FSTL5: variants seen among roughly 807,000 people sequenced by gnomAD.
The protein encoded by FSTL5 is follistatin-related protein 5.
Under a neutral mutation model 89.1 loss-of-function variants are expected in FSTL5, and 62 were observed. The observed-to-expected ratio is 0.70, with a 90% CI of 0.57 to 0.86. The LOEUF (loss-of-function observed/expected upper bound fraction) is 0.86, where lower values mean the gene tolerates loss of function less well. Among genes scored for constraint, FSTL5 ranks in the 40% least tolerant of loss-of-function variants. FSTL5 has a pLI of 0.00. For synonymous variants in FSTL5, 383 were observed against 346.2 expected, an observed-to-expected ratio of 1.11 and a Z score of -1.18; for missense variants, 1,057 against 1,001.6, an observed-to-expected ratio of 1.06 and a Z score of -0.75.
chr4:161,449,876 T>G (rs1395180121), intron 15 of FSTL5, among the ~76,000 whole-genome samples: 1 of 152,226 alleles, frequency 6.6e-6, no homozygotes, highest in Non-Finnish European at 1.5e-5. Flanking sequence ...TGAAGATATC[T>G]TGCTGTTATT....
At position 161,594,040 on chromosome 4, in the gene FSTL5, A is replaced by G. The variant is rs72687575; in HGVS notation, c.895-6465T>C. Among the ~76,000 whole-genome samples, 148 of 152,278 alleles carry G rather than the reference A, an allele frequency of 9.7e-4. 1 individual carries two copies. Among genetic ancestry groups the G allele is most frequent in the Non-Finnish European group, 1.8e-3 (120 of 68,016 alleles). ...GAAAGCCAAACTTTTGTAGAAATTA[A>G]TTGAGAAAGATTAGAGTTAAGAGTA... On this transcript the variant is annotated intron_variant, in intron 7 of 15. Transcript: ENST00000306100.
At position 162,050,006 on chromosome 4, in the gene FSTL5, TGAAA is replaced by T. The variant is rs1056590410; in HGVS notation, c.127-16352_127-16349del. ...AGATTAAATTAAGGCAAATAATTCT[TGAAA>T]GAAAGAACATATATCAAAAAAGTTA... On this transcript the variant is annotated intron_variant, in intron 2 of 15. Coordinates refer to ENST00000306100, the MANE Select transcript of FSTL5 (RefSeq NM_020116.5). Among the ~76,000 whole-genome samples the T allele has an allele frequency of 1.3e-4, 20 of 151,936 alleles. No homozygotes were observed. In the East Asian group the frequency reaches 1.3e-3, roughly 10 times the overall value.
intron 7 of FSTL5, among the ~76,000 whole-genome samples, chr4:161,636,373 A>G (rs996633218): frequency 6.6e-6 from 1 of 151,860 alleles, no homozygotes; most frequent in Non-Finnish European, 1.5e-5. Context: ...GTCTTTCTAT[A>G]TTAAACATTA....
chr4:161,645,491 A>C (rs1214826816), intron 7 of FSTL5, among the ~76,000 whole-genome samples: 1 of 152,154 alleles, frequency 6.6e-6, no homozygotes, highest in African/African-American at 2.4e-5. Flanking sequence ...TACTGATTTT[A>C]AGACTTGTTT....
chr4:161,573,677 G>C (rs1733106869), intron 8 of FSTL5, among the ~76,000 whole-genome samples: 1 of 131,674 alleles, frequency 7.6e-6, no homozygotes, highest in South Asian at 2.8e-4. Flanking sequence ...AGGTTGTGGT[G>C]AGCCGAGATT....
intron 6 of FSTL5, among the ~76,000 whole-genome samples, chr4:161,679,677 C>A (rs17041344): frequency 0.01 from 1,565 of 151,824 alleles, 29 homozygotes; most frequent in African/African-American, 0.036. Context: ...TAGAAAATAA[C>A]CTATGTGAAT....
intron 15 of FSTL5, among the ~76,000 whole-genome samples, chr4:161,396,707 TA>T (rs1180672549): frequency 7.2e-6 from 1 of 139,138 alleles, no homozygotes; most frequent in East Asian, 2.2e-4. Flanking sequence ...TAAGCCATAT[TA>T]TCATTTACAT....
chr4:162,077,042 T>C (rs1451714752), intron 2 of FSTL5, among the ~76,000 whole-genome samples: 1 of 151,858 alleles, frequency 6.6e-6, no homozygotes, highest in Non-Finnish European at 1.5e-5. Context: ...TGTCTTTTAA[T>C]GCATTTTTTG....
chr4:162,052,303 CA>C (rs201448073), intron 2 of FSTL5, among the ~76,000 whole-genome samples: 6 of 149,034 alleles, frequency 4.0e-5, no homozygotes, highest in East Asian at 2.0e-4. Context: ...TCAATCATAA[CA>C]AAAAAAAAGC....
At chr4:161,773,479 A>C (rs1195196168) in intron 5 of FSTL5, among the ~76,000 whole-genome samples, 1 of 152,234 alleles carries the variant, frequency 6.6e-6, no homozygotes, top group East Asian at 1.9e-4. Context: ...ATCTGCAAGG[A>C]ACTCAAACAA....
At chr4:161,913,128 G>A (rs1434566261) in intron 4 of FSTL5, among the ~76,000 whole-genome samples, 1 of 152,148 alleles carries the variant, frequency 6.6e-6, no homozygotes, top group Non-Finnish European at 1.5e-5. Context: ...AAAAATTTCA[G>A]CCTGACAATG....
At chr4:161,393,352 T>C (rs1730885658) in intron 15 of FSTL5, among the ~76,000 whole-genome samples, 1 of 151,942 alleles carries the variant, frequency 6.6e-6, no homozygotes, top group South Asian at 2.1e-4. Context: ...ATCTACTATG[T>C]GTGTACACTG....
rs566341462 is a variant in FSTL5, at chr4:161,780,508, T to C, written c.410-4434A>G. Reference sequence around the variant, plus strand: ...CCTGTTCTAGACACAAAGAATATACTAGTGAAAATGAAAAAATCCTTATTT... The same window carrying C: ...CCTGTTCTAGACACAAAGAATATACCAGTGAAAATGAAAAAATCCTTATTT... On this transcript the variant is annotated intron_variant, in intron 4 of 15. Coordinates refer to ENST00000306100, the MANE Select transcript of FSTL5 (RefSeq NM_020116.5). Among the ~76,000 whole-genome samples the C allele has an allele frequency of 1.1e-4, 17 of 152,284 alleles. No homozygotes were observed. In the South Asian group the frequency reaches 3.5e-3, roughly 32 times the overall value.
chr4:161,989,679 CA>C (rs772478100), intron 3 of FSTL5, among the ~76,000 whole-genome samples: 2 of 152,038 alleles, frequency 1.3e-5, no homozygotes, highest in Non-Finnish European at 2.9e-5. Flanking sequence ...TGATACTCAG[CA>C]AAAGTATAGG....
intron 15 of FSTL5, among the ~76,000 whole-genome samples, chr4:161,428,660 C>G (rs576433139): frequency 1.1e-4 from 16 of 152,012 alleles, no homozygotes; most frequent in Non-Finnish European, 1.8e-4. Context: ...AGAACGCAGT[C>G]TGGGCAAGAC....
At chr4:161,607,399 A>C (rs968735107) in intron 7 of FSTL5, among the ~76,000 whole-genome samples, 1 of 152,160 alleles carries the variant, frequency 6.6e-6, no homozygotes, top group African/African-American at 2.4e-5. Context: ...GCTAATTGCA[A>C]CACATGACAG....
chr4:161,966,309 A>T (rs1735325780), intron 3 of FSTL5, among the ~76,000 whole-genome samples: 1 of 152,108 alleles, frequency 6.6e-6, no homozygotes, highest in Non-Finnish European at 1.5e-5. Context: ...CAGTTTCACT[A>T]AATTCTTACT....
chr4:161,472,947 T>C (rs1043722337), intron 13 of FSTL5, among the ~76,000 whole-genome samples: 1 of 152,098 alleles, frequency 6.6e-6, no homozygotes, highest in Non-Finnish European at 1.5e-5. Flanking sequence ...ATCGTCTCGA[T>C]CTCTTGATCT....
At chr4:161,724,664 C>T (rs1307427769) in intron 6 of FSTL5, among the ~76,000 whole-genome samples, 1 of 152,094 alleles carries the variant, frequency 6.6e-6, no homozygotes, top group Non-Finnish European at 1.5e-5. Context: ...TACAATTATT[C>T]AGTAAAGATA....
Sources: allele counts gnomAD v4.1 joint callset (sites outside exome capture counted in the v4.1 genomes callset), GRCh38; gene constraint gnomAD v4.1.1; transcripts MANE v1.5; gene names NCBI Gene and HGNC (gene_info 2026-07-23, HGNC 2026-07-21).